CACHD1: variants seen among roughly 807,000 people sequenced by gnomAD.
The protein encoded by CACHD1 is cache domain containing 1, also known as VWFA and cache domain-containing protein 1.
Under a neutral mutation model 138.7 loss-of-function variants are expected in CACHD1, and 71 were observed. That is an observed-to-expected ratio of 0.51 (90% CI 0.42 to 0.62). The LOEUF (loss-of-function observed/expected upper bound fraction) is 0.62. CACHD1 is among the 20% of genes least tolerant of loss of function. CACHD1 has a pLI of 0.00. For synonymous variants in CACHD1, 578 were observed against 591.5 expected (o/e 0.98, Z 0.33); for missense variants, 1,389 against 1,625.3 (o/e 0.85, Z 2.50).
chr1:64,640,350 A>C lies in CACHD1; in HGVS notation c.1007-1470A>C, dbSNP rs1261824698. 5.3e-5 allele frequency among the ~76,000 whole-genome samples: 8 copies of C among 152,322 alleles called. No homozygotes were observed. The Middle Eastern group carries it at 0.01, about 194-fold the overall frequency. On this transcript the variant is annotated intron_variant, in intron 7 of 26. Coordinates refer to ENST00000651257, the MANE Select transcript of CACHD1 (RefSeq NM_020925.4). The stretch of plus-strand genomic sequence containing the variant: ...ATAACATATTATATAAATATTTCTC[A>C]GTAAAAAGATAAATATGTAGGATGT...
At chr1:64,512,104 G>T (rs576959175) in intron 1 of CACHD1, among the ~76,000 whole-genome samples, 6 of 152,156 alleles carry the variant, frequency 3.9e-5, no homozygotes, top group Non-Finnish European at 7.3e-5. Flanking sequence ...CACAGAAAAA[G>T]CAAGCAGGGC....
At chr1:64,654,650 T>C (rs1317551883) in intron 11 of CACHD1, 36 bp from the exon 12 acceptor site, 1 of 1,499,330 alleles carries the variant, frequency 6.7e-7, no homozygotes, top group Admixed American at 1.7e-5. Flanking sequence ...AATTTTATCT[T>C]TTGCCTGAAA....
intron 26 of CACHD1, among the ~76,000 whole-genome samples, chr1:64,690,808 T>C (rs994339267): frequency 2.2e-4 from 34 of 152,260 alleles, no homozygotes; most frequent in African/African-American, 8.2e-4. Flanking sequence ...TGTTCTATTG[T>C]GGCGTCACAT....
At chr1:64,608,759 T>A (rs972160655) in intron 4 of CACHD1, among the ~76,000 whole-genome samples, 7 of 152,184 alleles carry the variant, frequency 4.6e-5, no homozygotes, top group Non-Finnish European at 1.0e-4. Flanking sequence ...TTTCTCACTC[T>A]CTCTCTTTTT....
rs370656789 is a variant in CACHD1, at chr1:64,533,619, T to C, written c.199-16975T>C. On this transcript the variant is annotated intron_variant, in intron 1 of 26. Transcript: ENST00000651257. ...AACTCAATGTAAACATGCAGTACAA[T>C]TGTGCCATTTATGAACTAATTTCAG... is the stretch of plus-strand genomic sequence containing the variant. Among the ~76,000 whole-genome samples, 7 of 152,194 alleles carry C rather than the reference T, an allele frequency of 4.6e-5. No homozygotes were observed. In the East Asian group the frequency reaches 5.8e-4, roughly 13 times the overall value.
At chr1:64,586,912 TA>T (rs1325156538) in intron 3 of CACHD1, among the ~76,000 whole-genome samples, 3 of 152,228 alleles carry the variant, frequency 2.0e-5, no homozygotes, top group Non-Finnish European at 2.9e-5. Flanking sequence ...TTCCAAACTG[TA>T]AGATATTGTA....
At chr1:64,535,720 C>T (rs1442222259) in intron 1 of CACHD1, among the ~76,000 whole-genome samples, 2 of 152,042 alleles carry the variant, frequency 1.3e-5, no homozygotes, top group African/African-American at 2.4e-5. Flanking sequence ...TGAAACGTCC[C>T]CTAGTAAAGG....
intron 2 of CACHD1, among the ~76,000 whole-genome samples, chr1:64,576,695 C>A (rs563077929): frequency 6.6e-6 from 1 of 152,088 alleles, no homozygotes; most frequent in Non-Finnish European, 1.5e-5. Context: ...TCACAGTGTT[C>A]TCTTACTATC....
At chr1:64,480,670 A>AT (rs1361265726) in intron 1 of CACHD1, among the ~76,000 whole-genome samples, 12 of 151,690 alleles carry the variant, frequency 7.9e-5, no homozygotes, top group Non-Finnish European at 1.2e-4. Context: ...AACAATTTTT[A>AT]TTTTTTTATT....
intron 26 of CACHD1, among the ~76,000 whole-genome samples, chr1:64,689,302 T>A (rs1346785030): frequency 6.6e-6 from 1 of 152,194 alleles, no homozygotes; most frequent in East Asian, 1.9e-4. Context: ...GTGTCTTCTT[T>A]CCTGAGACTC....
intron 3 of CACHD1, among the ~76,000 whole-genome samples, chr1:64,601,122 A>G (rs2100575089): frequency 6.6e-6 from 1 of 152,294 alleles, no homozygotes. Context: ...ATTAAGTTTT[A>G]TTGGAACACA....
At chr1:64,581,413 G>A (rs1647011809) in intron 2 of CACHD1, among the ~76,000 whole-genome samples, 1 of 152,168 alleles carries the variant, frequency 6.6e-6, no homozygotes, top group African/African-American at 2.4e-5. Context: ...GTTTTCCTTG[G>A]AGATCTTTGA....
At chr1:64,547,740 T>C (rs988841132) in intron 1 of CACHD1, among the ~76,000 whole-genome samples, 2 of 152,190 alleles carry the variant, frequency 1.3e-5, no homozygotes, top group African/African-American at 2.4e-5. Context: ...TAAGTTCTAC[T>C]GGCTTCCCAT....
At chr1:64,499,489 A>G (rs1196405177) in intron 1 of CACHD1, among the ~76,000 whole-genome samples, 4 of 152,212 alleles carry the variant, frequency 2.6e-5, no homozygotes, top group Non-Finnish European at 5.9e-5. Flanking sequence ...AGTTAAGAGT[A>G]TGATTGTATT....
chr1:64,582,117 T>C, intron 2 of CACHD1, 39 bp from the exon 3 acceptor site: 1 of 1,609,188 alleles, frequency 6.2e-7, no homozygotes, highest in Non-Finnish European at 8.5e-7. Context: ...AGTTATTGTC[T>C]TGGACTTTCG....
chr1:64,687,685 G>A (rs1051699266), intron 26 of CACHD1, among the ~76,000 whole-genome samples: 1 of 152,064 alleles, frequency 6.6e-6, no homozygotes, highest in Admixed American at 6.6e-5. Flanking sequence ...ATCCTAGAAT[G>A]TCTGCATTAT....
chr1:64,533,869 C>T (rs994518322), intron 1 of CACHD1, among the ~76,000 whole-genome samples: 1 of 151,064 alleles, frequency 6.6e-6, no homozygotes. Flanking sequence ...TCTTCTGCCT[C>T]AGCCTCCTGA....
At chr1:64,634,677 G>A (rs946734409) in intron 7 of CACHD1, among the ~76,000 whole-genome samples, 6 of 151,970 alleles carry the variant, frequency 3.9e-5, no homozygotes, top group East Asian at 1.9e-4. Flanking sequence ...GAGTCACCGC[G>A]ACCAGCGTAG....
intron 21 of CACHD1, 64 bp from the exon 22 acceptor site, chr1:64,676,831 C>A: frequency 5.3e-6 from 7 of 1,314,002 alleles, no homozygotes; most frequent in Non-Finnish European, 7.6e-6. Flanking sequence ...TGTTAAGGAC[C>A]AGGAGCATGA....
Sources: allele counts gnomAD v4.1 joint callset (sites outside exome capture counted in the v4.1 genomes callset), GRCh38; gene constraint gnomAD v4.1.1; transcripts MANE v1.5; gene names NCBI Gene and HGNC (gene_info 2026-07-23, HGNC 2026-07-21).